STPG2: variants seen among roughly 807,000 people sequenced by gnomAD.
The protein encoded by STPG2 is sperm-tail PG-rich repeat-containing protein 2.
In STPG2, 56 loss-of-function variants were observed where a neutral mutation model predicts 54.2. That is an observed-to-expected ratio of 1.03 (90% confidence interval 0.83 to 1.29). STPG2 has a LOEUF of 1.29. Ranked by LOEUF, STPG2 falls within the 50% of genes most tolerant of loss-of-function variation. STPG2 has a pLI of 0.00. For missense variants in STPG2, 596 were observed against 544.9 expected, an observed-to-expected ratio of 1.09 and a Z score of -0.93; for synonymous variants, 200 against 181.8, an observed-to-expected ratio of 1.10 and a Z score of -0.81.
At chr4:98,138,904 A>G (rs748797726) in intron 1 of STPG2, among the ~76,000 whole-genome samples, 2 of 152,184 alleles carry the variant, frequency 1.3e-5, no homozygotes, top group Admixed American at 1.3e-4. Context: ...TACAGCTGAT[A>G]TTTATTACAT....
intron 7 of STPG2, among the ~76,000 whole-genome samples, chr4:97,958,655 G>A (rs961067143): frequency 2.0e-5 from 3 of 150,554 alleles, no homozygotes; most frequent in Admixed American, 1.3e-4. Context: ...AGAAGGCCTT[G>A]TCCAACAGGA....
At chr4:97,911,328 A>G (rs7669591) in intron 8 of STPG2, among the ~76,000 whole-genome samples, 17,696 of 152,258 alleles carry the variant, frequency 0.12, 1,438 homozygotes, top group East Asian at 0.36. Flanking sequence ...CAGGGAGCCA[A>G]GCAGGCTCGT....
chr4:97,656,988 T>A (rs1401933524), intron 10 of STPG2, among the ~76,000 whole-genome samples: 1 of 152,058 alleles, frequency 6.6e-6, no homozygotes, highest in Non-Finnish European at 1.5e-5. Context: ...GGTATATTTT[T>A]AATGCAATTG....
intron 5 of STPG2, among the ~76,000 whole-genome samples, chr4:98,074,496 C>T (rs1168711372): frequency 6.6e-6 from 1 of 152,172 alleles, no homozygotes; most frequent in Admixed American, 6.5e-5. Context: ...ATGACCATCC[C>T]GTATCTTCAC....
chr4:98,033,669 T>G (rs966388828), intron 5 of STPG2, among the ~76,000 whole-genome samples: 2 of 152,140 alleles, frequency 1.3e-5, no homozygotes, highest in African/African-American at 4.8e-5. Flanking sequence ...TTTAGGCCAA[T>G]ATCCCTGATG....
At chr4:97,603,401 T>C (rs1192090354) in intron 10 of STPG2, among the ~76,000 whole-genome samples, 1 of 151,652 alleles carries the variant, frequency 6.6e-6, no homozygotes, top group Non-Finnish European at 1.5e-5. Context: ...GTAAACAGTA[T>C]GGCTGTTACT....
intron 5 of STPG2, among the ~76,000 whole-genome samples, chr4:98,029,540 T>C (rs1259958308): frequency 1.3e-5 from 2 of 151,822 alleles, no homozygotes; most frequent in Non-Finnish European, 2.9e-5. Flanking sequence ...TTTTCATGCT[T>C]TTACTTTTAG....
intron 8 of STPG2, among the ~76,000 whole-genome samples, chr4:97,877,756 C>T (rs1468854141): frequency 6.6e-6 from 1 of 152,094 alleles, no homozygotes; most frequent in East Asian, 1.9e-4. Context: ...CCACCCCTGG[C>T]CCCTCCCAAT....
At chr4:97,756,884 C>G (rs1725747702) in intron 9 of STPG2, among the ~76,000 whole-genome samples, 1 of 152,054 alleles carries the variant, frequency 6.6e-6, no homozygotes, top group Non-Finnish European at 1.5e-5. Flanking sequence ...GTGCTCATCA[C>G]TTTGACTCCC....
intron 8 of STPG2, among the ~76,000 whole-genome samples, chr4:97,866,841 T>A (rs1222303505): frequency 6.6e-6 from 1 of 151,902 alleles, no homozygotes; most frequent in Admixed American, 6.6e-5. Context: ...GGAGGCAGGG[T>A]ATCAGAATTT....
intron 9 of STPG2, among the ~76,000 whole-genome samples, chr4:97,803,472 G>C (rs1025770437): frequency 1.1e-4 from 16 of 152,178 alleles, no homozygotes; most frequent in Non-Finnish European, 1.9e-4. Flanking sequence ...AGGTGGGGGA[G>C]GATCTATTCC....
chr4:97,630,784 T>C (rs1721247856), intron 10 of STPG2, among the ~76,000 whole-genome samples: 1 of 151,872 alleles, frequency 6.6e-6, no homozygotes, highest in Admixed American at 6.6e-5. Flanking sequence ...TTCTCATGTT[T>C]GTTTTTTTAA....
chr4:98,030,861 T>A (rs1736573408), intron 5 of STPG2, among the ~76,000 whole-genome samples: 1 of 152,102 alleles, frequency 6.6e-6, no homozygotes, highest in South Asian at 2.1e-4. Context: ...GGGCCCCTTC[T>A]TTACACAATG....
chr4:97,661,959 A>G (rs1438204401), intron 10 of STPG2, among the ~76,000 whole-genome samples: 1 of 152,160 alleles, frequency 6.6e-6, no homozygotes, highest in African/African-American at 2.4e-5. Context: ...TAGAAGTTCT[A>G]CTGATTTTTG....
intron 4 of STPG2, among the ~76,000 whole-genome samples, chr4:97,539,145 A>C (rs964411444): frequency 2.6e-5 from 4 of 152,228 alleles, no homozygotes; most frequent in African/African-American, 9.6e-5. Flanking sequence ...TAACGAGCAA[A>C]ATAACCAGCT....
At chr4:97,962,682 T>C (rs1733934086) in intron 7 of STPG2, among the ~76,000 whole-genome samples, 1 of 152,214 alleles carries the variant, frequency 6.6e-6, no homozygotes, top group African/African-American at 2.4e-5. Context: ...TTTGATTCAC[T>C]TAGTATTGCA....
At chr4:98,034,883 C>G (rs1448203526) in intron 5 of STPG2, among the ~76,000 whole-genome samples, 1 of 152,162 alleles carries the variant, frequency 6.6e-6, no homozygotes, top group African/African-American at 2.4e-5. Context: ...GTTGAGAAAA[C>G]TGGCTAGCCA....
chr4:97,649,447 C>T lies in STPG2; in HGVS notation c.1320+63252G>A, dbSNP rs953107260. 5.3e-5 allele frequency among the ~76,000 whole-genome samples: 8 copies of T among 152,088 alleles called. 1 individual carries two copies. In the East Asian group the frequency reaches 1.2e-3, roughly 22 times the overall value. On this transcript the variant is annotated intron_variant, in intron 10 of 10. Transcript: ENST00000295268. ...GCTGTTTTTAGGGCAAAAAAATAGT[C>T]TTGAAGATTTTTTAACTTATTGATG...
At chr4:97,607,271 C>CTCTT (rs10681197) in intron 10 of STPG2, among the ~76,000 whole-genome samples, 2,267 of 151,988 alleles carry the variant, frequency 0.015, 52 homozygotes, top group African/African-American at 0.052. Context: ...CTCTCTCTCT[C>CTCTT]CCTCTCTTTT....
Sources: gnomAD v4.1 joint callset for allele counts (sites outside exome capture counted in the v4.1 genomes callset) on GRCh38, gnomAD v4.1.1 for gene constraint, MANE v1.5 for transcripts, NCBI Gene and HGNC (gene_info 2026-07-23, HGNC 2026-07-21) for gene names.